ADAMTS17: variants seen among roughly 807,000 people sequenced by gnomAD.
ADAMTS17 encodes the protein ADAM metallopeptidase with thrombospondin type 1 motif 17.
A neutral mutation model predicts 141.5 loss-of-function variants in ADAMTS17; 113 were observed. The ratio of observed to expected loss-of-function variants is 0.80; its 90% CI spans 0.69 to 0.93. The LOEUF (loss-of-function observed/expected upper bound fraction) is 0.93, where lower values mean the gene tolerates loss of function less well. Ranked by LOEUF, ADAMTS17 falls within the 40% of genes least tolerant of loss-of-function variation. ADAMTS17 has a pLI of 0.00. For missense variants in ADAMTS17, 1,659 were observed against 1,517.9 expected, an observed-to-expected ratio of 1.09 and a Z score of -1.54; for synonymous variants, 768 against 630.6, an observed-to-expected ratio of 1.22 and a Z score of -3.27.
At chr15:100,167,733 C>T (rs149507555) in intron 8 of ADAMTS17, among the ~76,000 whole-genome samples, 6 of 152,262 alleles carry the variant, frequency 3.9e-5, no homozygotes, top group South Asian at 2.1e-4. Context: ...GCGCGTATGG[C>T]GAAATTCAAT....
chr15:100,026,789 G>C (rs1366136919), intron 18 of ADAMTS17, among the ~76,000 whole-genome samples: 1 of 152,156 alleles, frequency 6.6e-6, no homozygotes, highest in Non-Finnish European at 1.5e-5. Context: ...TCAGACTTTG[G>C]GGAATGTCTG....
At chr15:100,339,962 C>A (rs932767893) in intron 2 of ADAMTS17, among the ~76,000 whole-genome samples, 8 of 152,176 alleles carry the variant, frequency 5.3e-5, no homozygotes, top group Non-Finnish European at 7.4e-5. Flanking sequence ...TGAGTAAGGG[C>A]TGGAGAATTC....
chr15:100,322,764 T>C (rs146913046), intron 3 of ADAMTS17, among the ~76,000 whole-genome samples: 37 of 152,298 alleles, frequency 2.4e-4, no homozygotes, highest in African/African-American at 7.9e-4. Context: ...GGAAATATCA[T>C]ATGCACCACA....
intron 7 of ADAMTS17, among the ~76,000 whole-genome samples, chr15:100,238,632 A>G (rs4567683): frequency 0.81 from 123,170 of 152,228 alleles, 50,528 homozygotes; most frequent in African/African-American, 0.94. Context: ...TCTGGCAGAC[A>G]AGACCAGAGT....
chr15:100,292,201 C>T (rs1454799925), intron 3 of ADAMTS17, among the ~76,000 whole-genome samples: 8 of 147,886 alleles, frequency 5.4e-5, no homozygotes, highest in Non-Finnish European at 1.0e-4. Flanking sequence ...TGGGGAATCA[C>T]GAGACACGCT....
At chr15:100,104,175 G>T (rs1376782890) in intron 14 of ADAMTS17, among the ~76,000 whole-genome samples, 1 of 152,216 alleles carries the variant, frequency 6.6e-6, no homozygotes, top group African/African-American at 2.4e-5. Flanking sequence ...CTCGCTCATT[G>T]CATGTCAGCA....
At chr15:100,222,445 C>A (rs537325842) in intron 7 of ADAMTS17, among the ~76,000 whole-genome samples, 51 of 152,320 alleles carry the variant, frequency 3.3e-4, no homozygotes, top group African/African-American at 1.2e-3. Flanking sequence ...AAAACCCGGG[C>A]AGCCCTGCCT....
chr15:100,144,172 T>C (rs1041088681), intron 10 of ADAMTS17, among the ~76,000 whole-genome samples: 5 of 152,234 alleles, frequency 3.3e-5, no homozygotes, highest in African/African-American at 1.2e-4. Context: ...TGGCCCTGGG[T>C]CTACTAACCA....
At chr15:100,102,250 G>T (rs527237336) in intron 14 of ADAMTS17, among the ~76,000 whole-genome samples, 1 of 152,134 alleles carries the variant, frequency 6.6e-6, no homozygotes, top group African/African-American at 2.4e-5. Context: ...TTGCCCACTC[G>T]TATTTGAGAA....
chr15:100,307,679 A>T (rs1206965408), intron 3 of ADAMTS17, among the ~76,000 whole-genome samples: 1 of 152,174 alleles, frequency 6.6e-6, no homozygotes, highest in Non-Finnish European at 1.5e-5. Flanking sequence ...CTGTGATGAA[A>T]ACAGCTGAGC....
intron 18 of ADAMTS17, among the ~76,000 whole-genome samples, chr15:99,999,041 C>A (rs565278093): frequency 6.6e-6 from 1 of 152,148 alleles, no homozygotes; most frequent in Non-Finnish European, 1.5e-5. Flanking sequence ...ATCCTTTGAA[C>A]GGGTACTGGA....
intron 18 of ADAMTS17, among the ~76,000 whole-genome samples, chr15:100,026,520 A>G (rs1003533601): frequency 6.6e-6 from 1 of 152,208 alleles, no homozygotes; most frequent in African/African-American, 2.4e-5. Flanking sequence ...CAATTTATCT[A>G]CTGTTGCTTG....
intron 3 of ADAMTS17, among the ~76,000 whole-genome samples, chr15:100,327,974 T>C (rs1286809182): frequency 6.6e-6 from 1 of 152,160 alleles, no homozygotes; most frequent in Non-Finnish European, 1.5e-5. Flanking sequence ...TCACCTAGGT[T>C]CACCTTTCAA....
chr15:100,101,787 G>A (rs1007109412), intron 14 of ADAMTS17, among the ~76,000 whole-genome samples: 2 of 152,184 alleles, frequency 1.3e-5, no homozygotes, highest in African/African-American at 2.4e-5. Flanking sequence ...TTTTCTGGCT[G>A]GAATAAGCAG....
chr15:100,150,356 C>T (rs144898447), intron 10 of ADAMTS17, among the ~76,000 whole-genome samples: 108 of 152,322 alleles, frequency 7.1e-4, no homozygotes, highest in African/African-American at 2.2e-3. Context: ...GCTTTCCTTT[C>T]CTCCCTCAGT....
chr15:100,275,421 G>C (rs1165975517), intron 4 of ADAMTS17, among the ~76,000 whole-genome samples: 2 of 152,250 alleles, frequency 1.3e-5, no homozygotes, highest in Non-Finnish European at 2.9e-5. Context: ...TCTGTAGCAA[G>C]GATTCAAGGG....
chr15:100,237,777 C>A (rs555982688), intron 7 of ADAMTS17, among the ~76,000 whole-genome samples: 2 of 152,172 alleles, frequency 1.3e-5, no homozygotes, highest in African/African-American at 4.8e-5. Context: ...GCACATGCCA[C>A]CACGCCTGGC....
At chr15:100,005,083 G>A (rs910829270) in intron 18 of ADAMTS17, among the ~76,000 whole-genome samples, 20 of 152,204 alleles carry the variant, frequency 1.3e-4, no homozygotes, top group East Asian at 1.2e-3. Flanking sequence ...GGAAGTCACA[G>A]TTAACGCTTC....
At chr15:100,182,543 G>A (rs1441410318) in intron 8 of ADAMTS17, among the ~76,000 whole-genome samples, 4 of 152,284 alleles carry the variant, frequency 2.6e-5, no homozygotes, top group African/African-American at 9.6e-5. Flanking sequence ...GTTGAAGGGT[G>A]GGGGAAGAGG....
Sources: allele counts gnomAD v4.1 joint callset (sites outside exome capture counted in the v4.1 genomes callset), GRCh38; gene constraint gnomAD v4.1.1; transcripts MANE v1.5; gene names NCBI Gene and HGNC (gene_info 2026-07-23, HGNC 2026-07-21).